SIL1: variants seen among roughly 807,000 people sequenced by gnomAD.
SIL1 encodes the protein SIL1 nucleotide exchange factor.
A neutral mutation model predicts 49.1 loss-of-function variants in SIL1; 40 were observed. The ratio of observed to expected loss-of-function variants is 0.81; its 90% CI spans 0.63 to 1.06. SIL1 has a LOEUF of 1.06. SIL1 is among the 50% of genes least tolerant of loss of function. The pLI is 0.00. For missense variants in SIL1, 500 were observed against 572.6 expected, an observed-to-expected ratio of 0.87 and a Z score of 1.29; for synonymous variants, 253 against 250.8, an observed-to-expected ratio of 1.01 and a Z score of -0.08.
chr5:139,032,393 C>A (rs1768813109), intron 5 of SIL1, among the ~76,000 whole-genome samples: 1 of 152,174 alleles, frequency 6.6e-6, no homozygotes, highest in Non-Finnish European at 1.5e-5. Flanking sequence ...ACTGAACCAG[C>A]CTTGCATTCT....
At chr5:139,127,931 G>A (rs778043933) in intron 1 of SIL1, 78 bp from the exon 2 acceptor site, 47 of 883,058 alleles carry the variant, frequency 5.3e-5, no homozygotes, top group South Asian at 3.7e-4. Flanking sequence ...TTCCCATGTC[G>A]TCACTTGCTC....
At chr5:139,179,374 T>TCCAA (rs1751941368) in intron 1 of SIL1, among the ~76,000 whole-genome samples, 1 of 152,200 alleles carries the variant, frequency 6.6e-6, no homozygotes, top group African/African-American at 2.4e-5. Context: ...ACTCCTTGGA[T>TCCAA]GAAGCAGAGA....
chr5:139,190,578 A>C (rs892362534), intron 1 of SIL1, among the ~76,000 whole-genome samples: 6 of 152,168 alleles, frequency 3.9e-5, no homozygotes, highest in Non-Finnish European at 8.8e-5. Flanking sequence ...CCCAGCTCTA[A>C]CACTAGAGTC....
At position 138,948,005 on chromosome 5, in the gene SIL1, G is replaced by T. The variant is rs1766673779; in HGVS notation, c.1030-532C>A. Among the ~76,000 whole-genome samples, 2 of 152,224 alleles carry T rather than the reference G, an allele frequency of 1.3e-5. No homozygotes were observed. Among genetic ancestry groups the T allele is most frequent in the Admixed American group, 1.3e-4 (2 of 15,282 alleles). ...ACCAGCAGCGGGAAAGCCAACACCT[G>T]AACCATGACAAGCAGGCAGGTTACC... On this transcript the variant is annotated intron_variant, in intron 9 of 9. Transcript: ENST00000394817. This position sits in a 1 kb window ranked among gnomAD's most constrained non-coding sequence, Gnocchi z 4.8.
chr5:139,082,039 T>C (rs1770092167), intron 3 of SIL1, among the ~76,000 whole-genome samples: 1 of 152,310 alleles, frequency 6.6e-6, no homozygotes, highest in South Asian at 2.1e-4. Context: ...CATTACAAAT[T>C]ACCACTTGGT....
chr5:139,116,774 G>T (rs985438990), intron 3 of SIL1, among the ~76,000 whole-genome samples: 1 of 152,312 alleles, frequency 6.6e-6, no homozygotes, highest in African/African-American at 2.4e-5. Context: ...ACTGTGCCCA[G>T]AACAAAGGTA....
intron 3 of SIL1, among the ~76,000 whole-genome samples, chr5:139,094,117 AACCC>A (rs1424180967): frequency 1.3e-5 from 2 of 152,218 alleles, no homozygotes; most frequent in Non-Finnish European, 2.9e-5. Flanking sequence ...GTTTCTGTAC[AACCC>A]ACCTCCAACC....
intron 3 of SIL1, among the ~76,000 whole-genome samples, chr5:139,092,539 T>C (rs916236288): frequency 6.6e-6 from 1 of 152,152 alleles, no homozygotes; most frequent in African/African-American, 2.4e-5. Context: ...AAAAGAAATC[T>C]ATAGCCCCAA....
chr5:139,182,480 T>G (rs1305968583), intron 1 of SIL1, among the ~76,000 whole-genome samples: 1 of 152,178 alleles, frequency 6.6e-6, no homozygotes, highest in Non-Finnish European at 1.5e-5. Context: ...ACCCTTAGGT[T>G]GGAAGCCACT....
At chr5:139,138,525 C>T (rs1300627592) in intron 1 of SIL1, among the ~76,000 whole-genome samples, 1 of 152,204 alleles carries the variant, frequency 6.6e-6, no homozygotes, top group Non-Finnish European at 1.5e-5. Flanking sequence ...TCCCTTCCAA[C>T]CCACTACAGT....
intron 7 of SIL1, among the ~76,000 whole-genome samples, chr5:138,985,759 G>A (rs1349863342): frequency 6.6e-6 from 1 of 152,220 alleles, no homozygotes; most frequent in Non-Finnish European, 1.5e-5. Context: ...GTCACACTGA[G>A]TCAGGGGCCC....
chr5:139,056,838 C>T (rs1447875108), intron 3 of SIL1, among the ~76,000 whole-genome samples: 2 of 151,824 alleles, frequency 1.3e-5, no homozygotes, highest in African/African-American at 2.4e-5. Flanking sequence ...TCATTGAGAA[C>T]GGGCCATGAT....
intron 2 of SIL1, among the ~76,000 whole-genome samples, chr5:139,121,518 G>A (rs1174323044): frequency 6.6e-6 from 1 of 152,142 alleles, no homozygotes; most frequent in Non-Finnish European, 1.5e-5. Context: ...TTTTTGACAT[G>A]CTATTATACT....
chr5:139,019,639 G>C (rs1182939671), intron 7 of SIL1, among the ~76,000 whole-genome samples: 1 of 152,080 alleles, frequency 6.6e-6, no homozygotes. Flanking sequence ...GTGAGTTACG[G>C]GTCTGCAAAG....
chr5:139,027,446 C>T (rs1195834143), intron 5 of SIL1, among the ~76,000 whole-genome samples: 1 of 152,196 alleles, frequency 6.6e-6, no homozygotes, highest in East Asian at 1.9e-4. Flanking sequence ...TTTAGGGAAA[C>T]TTGGACATAG....
intron 1 of SIL1, among the ~76,000 whole-genome samples, chr5:139,170,154 C>T (rs996744252): frequency 1.3e-4 from 20 of 152,246 alleles, no homozygotes; most frequent in Non-Finnish European, 5.9e-5. Flanking sequence ...CAGACGGAGT[C>T]TGGTTCACTC....
chr5:139,133,767 T>A (rs1478689281), intron 1 of SIL1, among the ~76,000 whole-genome samples: 1 of 152,250 alleles, frequency 6.6e-6, no homozygotes, highest in East Asian at 1.9e-4. Flanking sequence ...CTACACTGTA[T>A]GTTCATGTAT....
In SIL1 at chr5:138,970,768, G is replaced by A. The variant is rs111800857; in HGVS notation, c.768-18884C>T. 4.5e-3 allele frequency among the ~76,000 whole-genome samples: 684 copies of A among 152,258 alleles called. 6 individuals are homozygous for A. Among genetic ancestry groups the A allele is most frequent in the African/African-American group, 0.016 (657 of 41,548 alleles). ...AATACAAAAATTAGCTGGGTGTGGCGATGCGCACCTGTAGTCCCAGCTACT... is the reference window on the plus strand; with the variant it reads ...AATACAAAAATTAGCTGGGTGTGGCAATGCGCACCTGTAGTCCCAGCTACT... On this transcript the variant is annotated intron_variant, in intron 7 of 9. Transcript: ENST00000394817.
intron 3 of SIL1, among the ~76,000 whole-genome samples, chr5:139,079,715 G>A (rs1164943006): frequency 6.6e-6 from 1 of 152,188 alleles, no homozygotes; most frequent in African/African-American, 2.4e-5. Context: ...ACTGAATAAT[G>A]TCTTATAAGA....
Sources: allele counts gnomAD v4.1 joint callset (sites outside exome capture counted in the v4.1 genomes callset), GRCh38; gene constraint gnomAD v4.1.1; non-coding constraint Gnocchi (gnomAD v3.1); transcripts MANE v1.5; gene names NCBI Gene and HGNC (gene_info 2026-07-23, HGNC 2026-07-21).